ZP3: variants seen among roughly 807,000 people sequenced by gnomAD.
The protein encoded by ZP3 is zona pellucida sperm-binding protein 3.
Under a neutral mutation model 35.6 loss-of-function variants are expected in ZP3, and 21 were observed. The ratio of observed to expected loss-of-function variants is 0.59; its 90% CI spans 0.42 to 0.85. The LOEUF (loss-of-function observed/expected upper bound fraction) is 0.85, where lower values mean the gene tolerates loss of function less well. ZP3 is among the 40% of genes least tolerant of loss of function. The pLI, the probability that ZP3 is intolerant of heterozygous loss-of-function variation, is 0.00. For synonymous variants in ZP3, 207 were observed against 214.5 expected (o/e 0.96, Z 0.31); for missense variants, 437 against 536.5 (o/e 0.81, Z 1.83).
chr7:76,402,721 G>A (rs1037906700), intron 1 of ZP3, among the ~76,000 whole-genome samples: 1 of 152,106 alleles, frequency 6.6e-6, no homozygotes, highest in Non-Finnish European at 1.5e-5. Flanking sequence ...CCAGGCTAGA[G>A]TGCAATGGTG....
intron 1 of ZP3, chr7:76,409,684 G>C (rs1371183236): frequency 6.6e-6 from 1 of 152,492 alleles, no homozygotes; most frequent in Admixed American, 6.5e-5. Context: ...CAGCTGGAGC[G>C]GCCCCAGAAA....
upstream of ZP3, among the ~76,000 whole-genome samples, chr7:76,423,026 A>AGAGAGAGAAT (rs1805550673): frequency 1.9e-5 from 1 of 52,840 alleles, no homozygotes; most frequent in African/African-American, 6.9e-5. Flanking sequence ...AGAGAGAGAG[A>AGAGAGAGAAT]GAAAGAAAGA....
chr7:76,412,324 T>A (rs907214814), intron 1 of ZP3, among the ~76,000 whole-genome samples: 5 of 152,180 alleles, frequency 3.3e-5, no homozygotes, highest in African/African-American at 9.7e-5. Context: ...TGATTCCGTT[T>A]ATAAAACATC....
rs563456984 is a variant in ZP3 at position 76,426,635 on chromosome 7, C to G, written c.312+1359C>G. On this transcript the variant is annotated intron_variant, in intron 1 of 7. Transcript: ENST00000394857. ...CATGTCTTAGATTTACTTGGGGAGC[C>G]AGGTGCCTGGCTCCCCCCCCTTCTG... Among the ~76,000 whole-genome samples the G allele has an allele frequency of 2.4e-4, 36 of 151,844 alleles. 1 individual carries two copies. In the South Asian group the frequency reaches 6.9e-3, roughly 29 times the overall value.
chr7:76,426,374 G>T (rs913100853), intron 1 of ZP3, among the ~76,000 whole-genome samples: 1 of 152,286 alleles, frequency 6.6e-6, no homozygotes, highest in South Asian at 2.1e-4. Context: ...TCCCATGGAG[G>T]GCCTGTCCTC....
intron 7 of ZP3, among the ~76,000 whole-genome samples, chr7:76,441,035 GT>G: frequency 6.6e-6 from 1 of 151,170 alleles, no homozygotes; most frequent in African/African-American, 2.4e-5. Context: ...GCTGGGCGTG[GT>G]GGTACATGCC....
chr7:76,433,723 CAG>C (rs1805908399), intron 4 of ZP3, 76 bp downstream of exon 4: 6 of 1,436,438 alleles, frequency 4.2e-6, no homozygotes. Context: ...CTTTTTGAGA[CAG>C]TGTCACTCTG....
intron 1 of ZP3, chr7:76,400,251 C>A: frequency 7.0e-7 from 1 of 1,433,368 alleles, no homozygotes. Context: ...CTGCCACAGT[C>A]TGTCTGTCCC....
chr7:76,433,109 T>G lies in ZP3; in HGVS notation c.535+79T>G, dbSNP rs1432512727. ...ACCCCTGCCCTTGGCTGTGTCTTTT[T>G]TTTGTTTGTTTGGTTTTGGTTTTGG... is the stretch of plus-strand genomic sequence containing the variant. On this transcript the variant is annotated intron_variant, in intron 3 of 7. Transcript: ENST00000394857. 73 of 1,258,044 alleles carry G rather than the reference T, an allele frequency of 5.8e-5. No homozygotes were observed. The Middle Eastern group carries it at 1.2e-3, about 20-fold the overall frequency. The allele number at this position is 1,258,044 out of a possible 1,614,324, so 77.9% of individuals were successfully genotyped here.
intron 1 of ZP3, among the ~76,000 whole-genome samples, chr7:76,427,842 C>T (rs551697238): frequency 5.3e-5 from 8 of 152,204 alleles, no homozygotes; most frequent in Non-Finnish European, 1.2e-4. Flanking sequence ...GCCACCGTGC[C>T]CAGCCAAGTT....
chr7:76,425,854 C>A (rs1019148259), intron 1 of ZP3, among the ~76,000 whole-genome samples: 1 of 152,090 alleles, frequency 6.6e-6, no homozygotes, highest in Non-Finnish European at 1.5e-5. Flanking sequence ...GCCTGTAATT[C>A]CAGCACTTTG....
At chr7:76,423,073 A>AAGAAAGAAAGAAAGAG (rs1805561642), upstream of ZP3, among the ~76,000 whole-genome samples, 2 of 144,528 alleles carry the variant, frequency 1.4e-5, no homozygotes, top group Non-Finnish European at 1.5e-5. Context: ...GAAAGAAAGA[A>AAGAAAGAAAGAAAGAG]AGAAAGAAAG....
chr7:76,413,236 C>G (rs1043074259), intron 1 of ZP3, among the ~76,000 whole-genome samples: 2 of 151,790 alleles, frequency 1.3e-5, no homozygotes, highest in African/African-American at 4.8e-5. Context: ...GCTGGGATTA[C>G]AGGTGTGAGC....
intron 1 of ZP3, among the ~76,000 whole-genome samples, chr7:76,407,121 C>T (rs938444310): frequency 5.9e-5 from 9 of 152,008 alleles, no homozygotes; most frequent in African/African-American, 2.2e-4. Flanking sequence ...CCACCATACT[C>T]GGCTAATTTT....
chr7:76,432,482 C>G (rs1048161275), intron 2 of ZP3, among the ~76,000 whole-genome samples: 35 of 152,174 alleles, frequency 2.3e-4, no homozygotes, highest in Admixed American at 9.8e-4. Context: ...CCGTGCCTGG[C>G]CTCTTTTCTT....
At chr7:76,422,247 C>G (rs551956131), upstream of ZP3, among the ~76,000 whole-genome samples, 56 of 152,112 alleles carry the variant, frequency 3.7e-4, no homozygotes, top group African/African-American at 1.3e-3. Context: ...AGTCCAGCAT[C>G]TCAGCCTGGC....
In ZP3 at chr7:76,425,093, G is replaced by A; in HGVS notation, c.129G>A (p.Leu43=). 1 of 1,613,864 alleles carries A rather than the reference G, an allele frequency of 6.2e-7. No individual in the cohort carries two copies. Among genetic ancestry groups the A allele is most frequent in the Non-Finnish European group, 8.5e-7 (1 of 1,180,022 alleles). ...CTGAGACGTCCGTACAGCCCGTACT[G>A]GTGGAGTGTCAGGAGGCCACTCTGA... The part of the protein sequence containing the change: ...SHPETSVQPV[L]VECQEATLMV... The change falls in exon 1 of 8, where the codon CTG becomes CTA. Residue 43 remains leucine (L), a synonymous_variant. Coordinates refer to ENST00000394857, the MANE Select transcript of ZP3 (RefSeq NM_001110354.2).
intron 1 of ZP3, among the ~76,000 whole-genome samples, chr7:76,410,919 C>T (rs778743597): frequency 4.8e-5 from 7 of 146,802 alleles, no homozygotes; most frequent in Admixed American, 1.4e-4. Context: ...CGCCTGAACC[C>T]GGGAGGTGGA....
intron 1 of ZP3, among the ~76,000 whole-genome samples, chr7:76,407,856 G>C (rs1805089924): frequency 6.6e-6 from 1 of 152,228 alleles, no homozygotes; most frequent in South Asian, 2.1e-4. Context: ...TTTAGCAAGG[G>C]TCTGATGCAT....
Sources: gnomAD v4.1 joint callset for allele counts (sites outside exome capture counted in the v4.1 genomes callset) on GRCh38, gnomAD v4.1.1 for gene constraint, MANE v1.5 for transcripts, NCBI Gene and HGNC (gene_info 2026-07-23, HGNC 2026-07-21) for gene names.